Variants in BRD10 observed in about 807,000 individuals in gnomAD.
BRD10 encodes bromodomain containing 10.
chr9:5,937,036 C>T, the BRD10 span, among the ~76,000 whole-genome samples: 3 of 151,522 alleles, frequency 2.0e-5, no homozygotes, highest in African/African-American at 7.3e-5. Context: ...TCGACACCAG[C>T]CTGGCAAATA....
the BRD10 span, among the ~76,000 whole-genome samples, chr9:5,991,189 T>C: frequency 2.1e-5 from 3 of 141,326 alleles, no homozygotes; most frequent in East Asian, 2.1e-4. Flanking sequence ...TGTATATATA[T>C]ATATATATAT....
chr9:5,902,891 T>C, the BRD10 span, among the ~76,000 whole-genome samples: 2 of 152,262 alleles, frequency 1.3e-5, no homozygotes, highest in South Asian at 2.1e-4. Context: ...TTCTCTTTAT[T>C]TTCCTAAGGT....
chr9:5,999,846 T>C, the BRD10 span, among the ~76,000 whole-genome samples: 1 of 152,160 alleles, frequency 6.6e-6, no homozygotes, highest in African/African-American at 2.4e-5. Context: ...ATAAGCATTG[T>C]AAATATATGC....
the BRD10 span, among the ~76,000 whole-genome samples, chr9:5,969,818 T>C: frequency 2.2e-4 from 34 of 152,316 alleles, 1 homozygote; most frequent in Middle Eastern, 0.014. Flanking sequence ...AGTGTTGAGA[T>C]TACAGGCATG....
chr9:5,955,093 A>C, the BRD10 span, among the ~76,000 whole-genome samples: 2 of 152,104 alleles, frequency 1.3e-5, no homozygotes, highest in South Asian at 4.1e-4. Context: ...TGTCTCAAAA[A>C]AAAATAATAA....
chr9:5,917,458 T>A, the BRD10 span, among the ~76,000 whole-genome samples: 1 of 152,250 alleles, frequency 6.6e-6, no homozygotes, highest in Non-Finnish European at 1.5e-5. Flanking sequence ...TTTAAAACTT[T>A]AAGTGGGGAC....
the BRD10 span, among the ~76,000 whole-genome samples, chr9:5,972,930 C>A: frequency 4.6e-5 from 7 of 151,924 alleles, no homozygotes; most frequent in Non-Finnish European, 7.4e-5. Flanking sequence ...AAATCTCTCT[C>A]AAAAATATAG....
chr9:5,921,018 A>C, the BRD10 span: 1 of 1,613,816 alleles, frequency 6.2e-7, no homozygotes, highest in East Asian at 2.2e-5. Context: ...CCCAAAGATA[A>C]ATTTGCTCCG....
the BRD10 span, among the ~76,000 whole-genome samples, chr9:5,935,079 C>T: frequency 1.3e-5 from 2 of 152,004 alleles, no homozygotes; most frequent in African/African-American, 2.4e-5. Flanking sequence ...TGAAAAAGTG[C>T]TATTTTGACA....
chr9:5,947,836 G>A, the BRD10 span, among the ~76,000 whole-genome samples: 2 of 151,946 alleles, frequency 1.3e-5, no homozygotes, highest in Admixed American at 6.6e-5. Flanking sequence ...ACTTAAAAAA[G>A]GAGAACAAAG....
chr9:5,931,815 G>A, the BRD10 span, among the ~76,000 whole-genome samples: 7 of 152,254 alleles, frequency 4.6e-5, no homozygotes, highest in African/African-American at 1.7e-4. Flanking sequence ...CCTATACCCT[G>A]CCATGGAGAA....
chr9:5,938,836 T>C, the BRD10 span, among the ~76,000 whole-genome samples: 3 of 152,206 alleles, frequency 2.0e-5, no homozygotes, highest in Admixed American at 6.5e-5. Flanking sequence ...GTACACATGA[T>C]GTGACTGTTA....
the BRD10 span, among the ~76,000 whole-genome samples, chr9:5,928,388 A>T: frequency 0.16 from 23,969 of 152,004 alleles, 2,558 homozygotes; most frequent in East Asian, 0.32. Flanking sequence ...ACATAAATCA[A>T]ATCATGTCCC....
chr9:5,899,488 G>C, the BRD10 span, among the ~76,000 whole-genome samples: 5 of 152,182 alleles, frequency 3.3e-5, no homozygotes, highest in Admixed American at 1.3e-4. Flanking sequence ...TAGCCCTCTA[G>C]TGTGCTGACA....
the BRD10 span, among the ~76,000 whole-genome samples, chr9:5,979,542 T>C: frequency 6.6e-6 from 1 of 151,862 alleles, no homozygotes; most frequent in Admixed American, 6.6e-5. Flanking sequence ...AAATCCACTA[T>C]TTCTGAAAAT....
At chr9:5,883,124 G>A in the BRD10 span, among the ~76,000 whole-genome samples, 4 of 151,714 alleles carry the variant, frequency 2.6e-5, no homozygotes, top group African/African-American at 4.8e-5. Context: ...AAAGCTGCAC[G>A]CTGTGCACAT....
chr9:5,920,434 C>G, the BRD10 span: 17 of 1,613,894 alleles, frequency 1.1e-5, no homozygotes, highest in Non-Finnish European at 1.4e-5. Flanking sequence ...TGGATGGTGC[C>G]GAAGCCGTGT....
the BRD10 span, among the ~76,000 whole-genome samples, chr9:5,935,656 T>G: frequency 1.3e-5 from 2 of 152,290 alleles, no homozygotes; most frequent in African/African-American, 4.8e-5. Flanking sequence ...CACAGCACAA[T>G]CTAAACCACA....
At chr9:5,995,655 T>C in the BRD10 span, among the ~76,000 whole-genome samples, 2 of 152,196 alleles carry the variant, frequency 1.3e-5, no homozygotes, top group African/African-American at 4.8e-5. Context: ...TATTTTTCAG[T>C]TCTTATTTTA....
Sources: allele counts gnomAD v4.1 joint callset (sites outside exome capture counted in the v4.1 genomes callset), GRCh38; gene constraint gnomAD v4.1.1; transcripts MANE v1.5; gene names NCBI Gene and HGNC (gene_info 2026-07-23, HGNC 2026-07-21).